RHBDD1: variants seen among roughly 807,000 people sequenced by gnomAD.
RHBDD1 encodes rhomboid-related protein 4.
Under a neutral mutation model 36.3 loss-of-function variants are expected in RHBDD1, and 38 were observed. That is an observed-to-expected ratio of 1.05 (90% confidence interval 0.81 to 1.37). RHBDD1 has a LOEUF of 1.37. RHBDD1 is among the 40% of genes most tolerant of loss of function. RHBDD1 has a pLI of 0.00. For missense variants in RHBDD1, 393 were observed against 377.6 expected (o/e 1.04, Z -0.34); for synonymous variants, 151 against 136.5 (o/e 1.11, Z -0.74).
chr2:226,869,409 C>T (rs954926278), intron 5 of RHBDD1, among the ~76,000 whole-genome samples: 2 of 152,150 alleles, frequency 1.3e-5, no homozygotes, highest in Non-Finnish European at 2.9e-5. Context: ...AGATGGATCT[C>T]GGAAGAATGG....
rs563528477 is a variant in RHBDD1, at chr2:226,888,264, A to G, written c.567-18529A>G. The stretch of plus-strand genomic sequence containing the variant: ...CATAAGCCCTCGACAAACGGATGCT[A>G]TAATTGAGTGTTCTCTGGGTAAGAA... On this transcript the variant is annotated intron_variant, in intron 5 of 8. Transcript: ENST00000392062. Among the ~76,000 whole-genome samples the G allele has an allele frequency of 3.9e-5, 6 of 152,322 alleles. No individual in the cohort carries two copies. The East Asian group carries it at 9.6e-4, about 24-fold the overall frequency.
intron 5 of RHBDD1, among the ~76,000 whole-genome samples, chr2:226,893,118 C>T (rs1946825584): frequency 6.6e-6 from 1 of 152,144 alleles, no homozygotes; most frequent in African/African-American, 2.4e-5. Flanking sequence ...GTATGATGAA[C>T]TTCCTTTAAC....
At chr2:226,931,171 G>A (rs1273169092) in intron 8 of RHBDD1, among the ~76,000 whole-genome samples, 2 of 151,852 alleles carry the variant, frequency 1.3e-5, no homozygotes, top group African/African-American at 2.4e-5. Context: ...TATATCAAAA[G>A]AAGTCATTAT....
At chr2:226,992,689 G>A (rs946547304) in intron 8 of RHBDD1, among the ~76,000 whole-genome samples, 2 of 152,194 alleles carry the variant, frequency 1.3e-5, no homozygotes, top group African/African-American at 2.4e-5. Flanking sequence ...AGATAGCAGT[G>A]AGCTTCCCAC....
chr2:226,867,401 A>T, intron 5 of RHBDD1, 83 bp downstream of exon 5: 1 of 1,398,542 alleles, frequency 7.2e-7, no homozygotes, highest in Middle Eastern at 1.8e-4. Context: ...GAGGTAACCA[A>T]TTGTTTTTCA....
chr2:226,977,289 G>A (rs146643224), intron 8 of RHBDD1, among the ~76,000 whole-genome samples: 7 of 152,088 alleles, frequency 4.6e-5, no homozygotes, highest in South Asian at 2.1e-4. Context: ...CATGACTGCC[G>A]CCTCCTTTTT....
the RHBDD1 span, among the ~76,000 whole-genome samples, chr2:226,815,395 A>G: frequency 0.078 from 11,834 of 152,258 alleles, 525 homozygotes; most frequent in East Asian, 0.13. Context: ...TTCCTTCTGG[A>G]ATCCTACTTT....
chr2:226,901,288 G>A (rs1348724273), intron 5 of RHBDD1, among the ~76,000 whole-genome samples: 2 of 152,148 alleles, frequency 1.3e-5, no homozygotes, highest in African/African-American at 2.4e-5. Context: ...ATCGGTTGAT[G>A]TACACTTAGG....
At chr2:226,892,888 C>T (rs796212422) in intron 5 of RHBDD1, among the ~76,000 whole-genome samples, 7 of 152,048 alleles carry the variant, frequency 4.6e-5, no homozygotes, top group African/African-American at 9.7e-5. Flanking sequence ...AGCAACGTTG[C>T]GTAATTTCTG....
At chr2:226,850,422 C>CA (rs984746518) in intron 3 of RHBDD1, among the ~76,000 whole-genome samples, 7 of 152,168 alleles carry the variant, frequency 4.6e-5, no homozygotes, top group African/African-American at 1.7e-4. Context: ...CAACAATGCA[C>CA]AAAGGGTTTC....
At chr2:226,845,266 T>C (rs913707723) in intron 3 of RHBDD1, among the ~76,000 whole-genome samples, 4 of 152,248 alleles carry the variant, frequency 2.6e-5, no homozygotes, top group African/African-American at 9.6e-5. Flanking sequence ...TACTATGTTA[T>C]CACAAAAACA....
chr2:226,915,733 G>A (rs1948853400), intron 8 of RHBDD1, among the ~76,000 whole-genome samples: 2 of 152,172 alleles, frequency 1.3e-5, no homozygotes, highest in South Asian at 4.1e-4. Flanking sequence ...GAACAAGAAA[G>A]GAAAGCCTAA....
chr2:226,912,903 A>G (rs1265722431), intron 7 of RHBDD1, among the ~76,000 whole-genome samples: 2 of 152,168 alleles, frequency 1.3e-5, no homozygotes, highest in African/African-American at 4.8e-5. Context: ...CAATAGACAC[A>G]ACTACTTTTC....
intron 7 of RHBDD1, among the ~76,000 whole-genome samples, chr2:226,910,801 C>T (rs1450050894): frequency 6.6e-6 from 1 of 152,016 alleles, no homozygotes; most frequent in Non-Finnish European, 1.5e-5. Context: ...GCCAGTGAAA[C>T]ATCCATAGAA....
intron 3 of RHBDD1, among the ~76,000 whole-genome samples, chr2:226,861,377 A>G (rs1167794528): frequency 7.2e-5 from 11 of 152,208 alleles, no homozygotes; most frequent in Non-Finnish European, 1.6e-4. Flanking sequence ...GAAGGGATGC[A>G]GACAGAAAGA....
At chr2:226,844,604 C>T (rs1942023070) in intron 3 of RHBDD1, among the ~76,000 whole-genome samples, 1 of 152,052 alleles carries the variant, frequency 6.6e-6, no homozygotes. Context: ...TTTAGGTAGA[C>T]AAAGAAATCT....
At chr2:226,867,359 TG>T (rs775381553) in intron 5 of RHBDD1, 41 bp downstream of exon 5, 1 of 1,576,432 alleles carries the variant, frequency 6.3e-7, no homozygotes, top group South Asian at 1.2e-5. Context: ...AAGGACCTGA[TG>T]TTCTGTGGAG....
chr2:226,945,245 G>T (rs1476939753), intron 8 of RHBDD1, among the ~76,000 whole-genome samples: 3 of 151,532 alleles, frequency 2.0e-5, no homozygotes, highest in Non-Finnish European at 4.4e-5. Flanking sequence ...GTGCCATGGT[G>T]CTTTGCTGCA....
intron 5 of RHBDD1, chr2:226,869,176 G>A: frequency 2.0e-6 from 2 of 985,314 alleles, no homozygotes; most frequent in Non-Finnish European, 2.4e-6. Flanking sequence ...AGGGATGGTT[G>A]CATTTCTGTG....
Sources: gnomAD v4.1 joint callset for allele counts (sites outside exome capture counted in the v4.1 genomes callset) on GRCh38, gnomAD v4.1.1 for gene constraint, MANE v1.5 for transcripts, NCBI Gene and HGNC (gene_info 2026-07-23, HGNC 2026-07-21) for gene names.